The following ADAMTS6 variants were observed in gnomAD, a reference collection of about 807,000 sequenced individuals.
ADAMTS6 encodes the protein ADAM metallopeptidase with thrombospondin type 1 motif 6, also known as A disintegrin and metalloproteinase with thrombospondin motifs 6.
In ADAMTS6, 23 loss-of-function variants were observed where a neutral mutation model predicts 144.3. That is an observed-to-expected ratio of 0.16 (90% confidence interval 0.11 to 0.23). The LOEUF (loss-of-function observed/expected upper bound fraction) is 0.23. Ranked by LOEUF, ADAMTS6 falls within the 10% of genes least tolerant of loss-of-function variation. ADAMTS6 has a pLI of 1.00. For missense variants in ADAMTS6, 999 were observed against 1,379.6 expected (o/e 0.72, Z 4.37); for synonymous variants, 444 against 457.5 (o/e 0.97, Z 0.38).
At chr5:65,244,082 A>G (rs1424964424) in intron 14 of ADAMTS6, among the ~76,000 whole-genome samples, 1 of 152,172 alleles carries the variant, frequency 6.6e-6, no homozygotes, top group Non-Finnish European at 1.5e-5. Context: ...CTAGGGATAT[A>G]TCAGTTAAGA....
chr5:65,406,617 T>C (rs892285093), intron 7 of ADAMTS6, among the ~76,000 whole-genome samples: 2 of 152,140 alleles, frequency 1.3e-5, no homozygotes, highest in Non-Finnish European at 2.9e-5. Context: ...TCTTTTTTTG[T>C]TGTGTATTTG....
rs1260340419 is a variant in ADAMTS6, at chr5:65,210,597, T to G, written c.2575+4197A>C. ...CCAGAACTACCACTGGCAATAAAGTTTTTGGCACCCCAAAGGAAGCTATGG... is the reference window on the plus strand; with the variant it reads ...CCAGAACTACCACTGGCAATAAAGTGTTTGGCACCCCAAAGGAAGCTATGG... On this transcript the variant is annotated intron_variant, in intron 20 of 24. Transcript: ENST00000381055. 6 of 606,728 alleles carry G rather than the reference T, an allele frequency of 9.9e-6. No homozygotes were observed. In the Admixed American group the frequency reaches 1.1e-4, roughly 11 times the overall value. 37.6% of individuals were successfully genotyped at this position (606,728 alleles called of 1,614,324 possible).
chr5:65,188,734 G>C, intron 21 of ADAMTS6, among the ~76,000 whole-genome samples: 1 of 152,014 alleles, frequency 6.6e-6, no homozygotes, highest in East Asian at 1.9e-4. Flanking sequence ...CTAATAATAG[G>C]GTCCTATGAA....
chr5:65,358,505 T>C (rs1417729076), intron 7 of ADAMTS6, among the ~76,000 whole-genome samples: 1 of 152,054 alleles, frequency 6.6e-6, no homozygotes, highest in East Asian at 1.9e-4. Context: ...ATGACATTTT[T>C]CACAGAAATA....
intron 7 of ADAMTS6, among the ~76,000 whole-genome samples, chr5:65,340,047 C>G (rs1292738366): frequency 6.6e-6 from 1 of 152,082 alleles, no homozygotes; most frequent in Non-Finnish European, 1.5e-5. Context: ...AATGGATTTA[C>G]TCCAAACAAG....
chr5:65,190,492 A>T (rs1185676561), intron 21 of ADAMTS6, among the ~76,000 whole-genome samples: 1 of 152,190 alleles, frequency 6.6e-6, no homozygotes, highest in African/African-American at 2.4e-5. Context: ...AGAAATGTGT[A>T]TTACAGTCAC....
chr5:65,464,339 AC>A lies in ADAMTS6; in HGVS notation c.463-4002del, dbSNP rs1259711746. Among the ~76,000 whole-genome samples the A allele has an allele frequency of 7.7e-4, 117 of 152,350 alleles. 1 individual carries two copies. The highest frequency in any genetic ancestry group is 7.5e-4 in the Non-Finnish European group (51 of 68,034). ...ATATAATACATATAACTTGTGTAAC[AC>A]CTTAAATAAGATATTCAGTGGCTCT... On this transcript the variant is annotated intron_variant, in intron 3 of 24. Coordinates refer to ENST00000381055, the MANE Select transcript of ADAMTS6 (RefSeq NM_197941.4).
At chr5:65,247,146 G>T (rs1464818740) in intron 14 of ADAMTS6, among the ~76,000 whole-genome samples, 1 of 152,030 alleles carries the variant, frequency 6.6e-6, no homozygotes, top group Non-Finnish European at 1.5e-5. Context: ...AACTAGCAGG[G>T]CCCCACATAA....
intron 24 of ADAMTS6, among the ~76,000 whole-genome samples, chr5:65,154,674 A>G (rs910825142): frequency 6.6e-6 from 1 of 152,190 alleles, no homozygotes; most frequent in African/African-American, 2.4e-5. Context: ...AGACTATGAT[A>G]AGGTCTGCTC....
At chr5:65,424,264 C>G (rs1021401880) in intron 7 of ADAMTS6, among the ~76,000 whole-genome samples, 2 of 152,006 alleles carry the variant, frequency 1.3e-5, no homozygotes, top group Non-Finnish European at 2.9e-5. Context: ...TTTCTGAAAC[C>G]CTCTGTTCCC....
chr5:65,430,098 C>A (rs1756871719), intron 7 of ADAMTS6, among the ~76,000 whole-genome samples: 1 of 150,428 alleles, frequency 6.6e-6, no homozygotes, highest in African/African-American at 2.5e-5. Context: ...CTATTATTAT[C>A]AACATTAGTT....
intron 7 of ADAMTS6, among the ~76,000 whole-genome samples, chr5:65,398,942 C>T (rs556614550): frequency 6.6e-6 from 1 of 152,176 alleles, no homozygotes; most frequent in African/African-American, 2.4e-5. Context: ...TACTTTTAAT[C>T]TATATGTGTC....
intron 7 of ADAMTS6, among the ~76,000 whole-genome samples, chr5:65,444,494 A>G (rs886214188): frequency 6.6e-6 from 1 of 152,244 alleles, no homozygotes; most frequent in Non-Finnish European, 1.5e-5. Context: ...GAAATTTTAA[A>G]AACAGTATCA....
chr5:65,234,011 A>T (rs1758461365), intron 15 of ADAMTS6, among the ~76,000 whole-genome samples: 1 of 151,728 alleles, frequency 6.6e-6, no homozygotes, highest in Non-Finnish European at 1.5e-5. Context: ...AAAGGTACCA[A>T]GAAAATAGAG....
chr5:65,161,649 C>T (rs910868728), intron 24 of ADAMTS6, among the ~76,000 whole-genome samples: 1 of 152,138 alleles, frequency 6.6e-6, no homozygotes, highest in African/African-American at 2.4e-5. Flanking sequence ...AGACTATGAA[C>T]TTATAAATAT....
intron 7 of ADAMTS6, among the ~76,000 whole-genome samples, chr5:65,353,839 A>G (rs1749075412): frequency 6.6e-6 from 1 of 152,038 alleles, no homozygotes; most frequent in African/African-American, 2.4e-5. Flanking sequence ...TTTAGTGAAT[A>G]TTGACACTAT....
chr5:65,354,370 G>A (rs1749129578), intron 7 of ADAMTS6, among the ~76,000 whole-genome samples: 1 of 151,302 alleles, frequency 6.6e-6, no homozygotes, highest in South Asian at 2.1e-4. Flanking sequence ...GGAAAATAAT[G>A]GCTACTATAG....
chr5:65,393,869 G>A (rs548617614), intron 7 of ADAMTS6, among the ~76,000 whole-genome samples: 12 of 152,232 alleles, frequency 7.9e-5, no homozygotes, highest in Non-Finnish European at 1.6e-4. Flanking sequence ...GTTACTTTTA[G>A]TTAGCTTTTA....
intron 7 of ADAMTS6, among the ~76,000 whole-genome samples, chr5:65,334,341 G>A (rs1338129803): frequency 6.6e-6 from 1 of 152,132 alleles, no homozygotes; most frequent in Non-Finnish European, 1.5e-5. Flanking sequence ...TTTTGTAATC[G>A]CAAGTTCCAT....
Sources: allele counts gnomAD v4.1 joint callset (sites outside exome capture counted in the v4.1 genomes callset), GRCh38; gene constraint gnomAD v4.1.1; transcripts MANE v1.5; gene names NCBI Gene and HGNC (gene_info 2026-07-23, HGNC 2026-07-21).